TXNDC8: variants seen among roughly 807,000 people sequenced by gnomAD.
TXNDC8 encodes the protein thioredoxin domain containing 8.
In TXNDC8, 15 loss-of-function variants were observed where a neutral mutation model predicts 12.9. The observed-to-expected ratio is 1.16, with a 90% CI of 0.78 to 1.79. The LOEUF is 1.79. TXNDC8 is among the 40% of genes most tolerant of loss of function. The pLI is 0.00. For missense variants in TXNDC8, 128 were observed against 113.2 expected, an observed-to-expected ratio of 1.13 and a Z score of -0.59; for synonymous variants, 40 against 35.4, an observed-to-expected ratio of 1.13 and a Z score of -0.46.
chr9:110,331,333 A>T (rs184596434), intron 2 of TXNDC8, among the ~76,000 whole-genome samples: 188 of 152,188 alleles, frequency 1.2e-3, no homozygotes, highest in African/African-American at 4.5e-3. Context: ...TCTGACTCTG[A>T]CCGCTGCTCT....
chr9:110,305,546 T>TCTTC (rs772060862), intron 3 of TXNDC8, among the ~76,000 whole-genome samples: 1 of 115,416 alleles, frequency 8.7e-6, no homozygotes, highest in East Asian at 2.5e-4. Flanking sequence ...TGTATTTTCT[T>TCTTC]TTTCTTTCTT....
chr9:110,305,802 CTTTT>C (rs1252388448), intron 3 of TXNDC8, among the ~76,000 whole-genome samples: 6 of 94,312 alleles, frequency 6.4e-5, no homozygotes, highest in East Asian at 2.8e-4. Flanking sequence ...CTTTTCTTTT[CTTTT>C]CTTTCCTTTC....
intron 3 of TXNDC8, among the ~76,000 whole-genome samples, chr9:110,312,466 T>G (rs943373274): frequency 6.6e-6 from 1 of 152,206 alleles, no homozygotes. Context: ...TGTACAGGAT[T>G]CCTGACCTGT....
intron 2 of TXNDC8, among the ~76,000 whole-genome samples, chr9:110,328,307 T>C (rs539380265): frequency 6.6e-6 from 1 of 152,334 alleles, no homozygotes; most frequent in East Asian, 1.9e-4. Context: ...ATTGTGTGTA[T>C]TAATAAGACA....
At chr9:110,326,270 A>G (rs377211911) in intron 2 of TXNDC8, 30 bp from the exon 4 acceptor site, 3 of 1,612,606 alleles carry the variant, frequency 1.9e-6, no homozygotes, top group African/African-American at 1.3e-5. Context: ...GCATGAAGTT[A>G]CAGTATTGGT....
At chr9:110,312,719 A>G (rs1023566194) in intron 3 of TXNDC8, among the ~76,000 whole-genome samples, 8 of 152,264 alleles carry the variant, frequency 5.3e-5, no homozygotes, top group African/African-American at 1.7e-4. Context: ...GTCCAAGTAT[A>G]ATAAAGCAAA....
chr9:110,316,609 A>G (rs13291608), intron 3 of TXNDC8, among the ~76,000 whole-genome samples: 7,632 of 152,340 alleles, frequency 0.05, 256 homozygotes, highest in Middle Eastern at 0.085. Context: ...AGAGCCTATA[A>G]AAACAATGTT....
intron 3 of TXNDC8, among the ~76,000 whole-genome samples, chr9:110,311,677 CTT>C (rs1491342021): frequency 1.0e-4 from 9 of 89,162 alleles, no homozygotes; most frequent in South Asian, 3.2e-4. Flanking sequence ...ATAGTATATC[CTT>C]ATATATATAT....
intron 3 of TXNDC8, among the ~76,000 whole-genome samples, chr9:110,313,184 G>T (rs1838751684): frequency 6.6e-6 from 1 of 152,134 alleles, no homozygotes. Flanking sequence ...GGGATTACAG[G>T]TGTGAGCCAC....
At position 110,337,715 on chromosome 9, in the gene TXNDC8, A is replaced by G. The variant is rs78524643; in HGVS notation, c.24+58T>C. 44 of 1,558,480 alleles carry G rather than the reference A, an allele frequency of 2.8e-5. No homozygotes were observed. In the Middle Eastern group the frequency reaches 1.3e-3, roughly 47 times the overall value. On this transcript the variant is annotated intron_variant, in intron 1 of 4. Coordinates refer to ENST00000423740, the MANE Select transcript of TXNDC8 (RefSeq NM_001286946.2). Reference sequence around the variant, plus strand: ...GAGAACACATTCTTAAAGTTTTTCAAATCTGTTCCCAAGATGTCCACATTT... The same window carrying G: ...GAGAACACATTCTTAAAGTTTTTCAGATCTGTTCCCAAGATGTCCACATTT...
intron 2 of TXNDC8, 31 bp from the exon 4 acceptor site, chr9:110,326,271 C>T: frequency 1.2e-6 from 2 of 1,612,212 alleles, no homozygotes; most frequent in Non-Finnish European, 1.7e-6. Context: ...CATGAAGTTA[C>T]AGTATTGGTG....
chr9:110,310,354 C>T (rs1013940970), intron 3 of TXNDC8, among the ~76,000 whole-genome samples: 1 of 152,092 alleles, frequency 6.6e-6, no homozygotes, highest in African/African-American at 2.4e-5. Flanking sequence ...AATTTTGCTG[C>T]TTTTCACCTG....
At chr9:110,328,763 G>A (rs992683982) in intron 2 of TXNDC8, among the ~76,000 whole-genome samples, 2 of 152,218 alleles carry the variant, frequency 1.3e-5, no homozygotes. Context: ...CCAAGATCAC[G>A]CCATTGCACT....
intron 3 of TXNDC8, among the ~76,000 whole-genome samples, chr9:110,309,854 G>C (rs1365757266): frequency 6.7e-6 from 1 of 149,138 alleles, no homozygotes; most frequent in Non-Finnish European, 1.5e-5. Context: ...TTTTATTAAG[G>C]AAAAAAAAGT....
intron 1 of TXNDC8, among the ~76,000 whole-genome samples, chr9:110,336,066 C>T (rs938453969): frequency 6.6e-6 from 1 of 152,212 alleles, no homozygotes; most frequent in Non-Finnish European, 1.5e-5. Flanking sequence ...CCCCTGCACA[C>T]GCTGTCTTGC....
At chr9:110,321,022 T>C (rs1839073824) in intron 3 of TXNDC8, among the ~76,000 whole-genome samples, 1 of 152,222 alleles carries the variant, frequency 6.6e-6, no homozygotes, top group Non-Finnish European at 1.5e-5. Flanking sequence ...CATGAAAACT[T>C]CAGCAACCAG....
chr9:110,320,134 A>C (rs1276303155), intron 3 of TXNDC8, among the ~76,000 whole-genome samples: 1 of 152,058 alleles, frequency 6.6e-6, no homozygotes, highest in Non-Finnish European at 1.5e-5. Flanking sequence ...ATATTTAAGC[A>C]GTTGCCCCAA....
Position 110,323,608 on chromosome 9 carries a change from C to T in TXNDC8, c.195+2567G>A, listed in dbSNP as rs1839193643. On this transcript the variant is annotated intron_variant, in intron 3 of 4. Transcript: ENST00000423740. ...GAAGGAGAGTAGCCTGGGAGAACAC[C>T]AGATATGTTCATCAGAATTTTTTGG... 3 of 287,730 alleles carry T rather than the reference C, an allele frequency of 1.0e-5. No individual in the cohort carries two copies. The East Asian group carries it at 2.5e-4, about 24-fold the overall frequency. The allele number at this position is 287,730 out of a possible 1,614,324, so 17.8% of individuals were successfully genotyped here.
chr9:110,310,957 A>T (rs1405766071), intron 3 of TXNDC8, among the ~76,000 whole-genome samples: 1 of 152,244 alleles, frequency 6.6e-6, no homozygotes. Context: ...AGTAACTTCT[A>T]ATCTTTTGGC....
Sources: allele counts gnomAD v4.1 joint callset (sites outside exome capture counted in the v4.1 genomes callset), GRCh38; gene constraint gnomAD v4.1.1; transcripts MANE v1.5; gene names NCBI Gene and HGNC (gene_info 2026-07-23, HGNC 2026-07-21).